The following P2RX4 variants were observed in gnomAD, a reference collection of about 807,000 sequenced individuals.
P2RX4 encodes the protein purinergic receptor P2X 4, also known as P2X purinoceptor 4.
In P2RX4, 37 loss-of-function variants were observed where a neutral mutation model predicts 48.0. The ratio of observed to expected loss-of-function variants is 0.77; its 90% CI spans 0.59 to 1.01. The LOEUF is 1.01. P2RX4 is among the 50% of genes least tolerant of loss of function. The pLI, the probability that P2RX4 is intolerant of heterozygous loss-of-function variation, is 0.00. For missense variants in P2RX4, 501 were observed against 521.4 expected, an observed-to-expected ratio of 0.96 and a Z score of 0.38; for synonymous variants, 200 against 199.7, an observed-to-expected ratio of 1.00 and a Z score of -0.01.
chr12:121,213,792 C>T (rs1886043878), intron 1 of P2RX4: 1 of 152,364 alleles, frequency 6.6e-6, no homozygotes, highest in Middle Eastern at 3.4e-3. Flanking sequence ...AACTCCTGAG[C>T]TCTAGCAATC....
rs767868403 is a variant in P2RX4, at chr12:121,229,126, C to T, written c.884+27C>T. 3.1e-6 allele frequency: 5 copies of T among 1,613,696 alleles called. No homozygotes were observed. The highest frequency in any genetic ancestry group is 1.6e-4 in the Middle Eastern group (1 of 6,082). ...TGGGCGTGAGCTTGGGCCCCTCGCT[C>T]ATGTTGTAGGGGGTGCTGGTGGCTG... On this transcript the variant is annotated intron_variant, in intron 8 of 11. Coordinates refer to ENST00000337233, the MANE Select transcript of P2RX4 (RefSeq NM_002560.3). The surrounding 1 kb of genome is among the most constrained non-coding windows in gnomAD (Gnocchi z 4.6).
rs1566010180 is a variant in P2RX4, at chr12:121,229,068, G to A, written c.853G>A (p.Glu285Lys). Residue 285 changes from glutamate (E) to lysine (K), a missense_variant, in exon 8 of 12, where the codon GAG becomes AAG. Around this residue, in one of 3 missense-constraint regions of P2RX4, gnomAD observed 197 missense variants for 219.5 expected, o/e 0.90. Coordinates refer to ENST00000337233, the MANE Select transcript of P2RX4 (RefSeq NM_002560.3). The surrounding 1 kb of genome is among the most constrained non-coding windows in gnomAD (Gnocchi z 4.6). ...CCGCCGCCTCGATACACGGGACGTT[G>A]AGCACAACGTATCTCCTGGCTACAA... The part of the protein sequence containing the change: ...SFRRLDTRDV[E>K]HNVSPGYNFR... The A allele has an allele frequency of 1.2e-6, 2 of 1,614,130 alleles. No homozygotes were observed. The highest frequency in any genetic ancestry group is 1.7e-6 in the Non-Finnish European group (2 of 1,180,022).
chr12:121,217,312 A>G (rs1566000279), intron 2 of P2RX4, 31 bp downstream of exon 2: 1 of 1,605,558 alleles, frequency 6.2e-7, no homozygotes, highest in Admixed American at 1.7e-5. Flanking sequence ...TCTGTCTAAC[A>G]CTGACACCTT....
Position 121,228,534 on chromosome 12 carries a change from C to A in P2RX4, c.526C>A (p.Pro176Thr), listed in dbSNP as rs767671312. Residue 176 changes from proline (P) to threonine (T), a missense_variant and splice_region_variant, in exon 6 of 12, where the codon CCT becomes ACT. By Grantham distance (38) the Pro-to-Thr change is conservative. This residue lies in a region of P2RX4 where 295 missense variants were observed against 275.3 expected (regional missense o/e 1.07). Transcript: ENST00000337233. ...PVEDDTHVPQ[P>T]AFLKAAENFT... The stretch of plus-strand genomic sequence containing the variant: ...AGTAATGTTATCATTGTTTTTCAGA[C>A]CTGCTTTTTTAAAGGCTGCAGAAAA... 5.6e-6 allele frequency: 9 copies of A among 1,608,562 alleles called. No individual in the cohort carries two copies. The South Asian group carries it at 8.9e-5, about 16-fold the overall frequency.
At position 121,233,599 on chromosome 12, in the gene P2RX4, G is replaced by A. The variant is rs1177242602; in HGVS notation, c.*50G>A. 3 of 1,589,544 alleles carry A rather than the reference G, an allele frequency of 1.9e-6. No individual in the cohort carries two copies. The highest frequency in any genetic ancestry group is 4.5e-5 in the East Asian group (2 of 44,158). The stretch of plus-strand genomic sequence containing the variant: ...CACAGCCCCATCAAAGAACAGAGAG[G>A]AGGAGGAGGGAGAAATGGCCACCAC... On this transcript the variant is annotated 3_prime_UTR_variant, in exon 12 of 12. Coordinates refer to ENST00000337233, the MANE Select transcript of P2RX4 (RefSeq NM_002560.3).
chr12:121,227,804 AG>A (rs375316533), intron 5 of P2RX4, among the ~76,000 whole-genome samples: 179 of 152,112 alleles, frequency 1.2e-3, no homozygotes, highest in African/African-American at 3.8e-3. Context: ...AATATTACAT[AG>A]GGGCTGAACA....
chr12:121,232,722 C>G lies in P2RX4; in HGVS notation c.1044+46C>G. The G allele has an allele frequency of 6.6e-7, 1 of 1,514,626 alleles. No individual in the cohort carries two copies. Among genetic ancestry groups the G allele is most frequent in the East Asian group, 2.2e-5 (1 of 44,454 alleles). The allele number at this position is 1,514,626 out of a possible 1,614,324, so 93.8% of individuals were successfully genotyped here. On this transcript the variant is annotated intron_variant, in intron 10 of 11. Transcript: ENST00000337233. The surrounding 1 kb of genome is among the most constrained non-coding windows in gnomAD (Gnocchi z 4.3). ...CTTCACCCTCACGGTGAGGTGAGAC[C>G]CTGGGCTGGGGTCCTGGTCCTGGCC... is the stretch of plus-strand genomic sequence containing the variant.
At chr12:121,221,828 T>G in intron 2 of P2RX4, 85 bp from the exon 3 acceptor site, 1 of 1,120,152 alleles carries the variant, frequency 8.9e-7, no homozygotes, top group South Asian at 1.2e-5. Flanking sequence ...AGTGTTTGAG[T>G]TGTCCTCTTC....
Position 121,233,607 on chromosome 12 carries a change from G to C in P2RX4, c.*58G>C, listed in dbSNP as rs2136251430. The C allele has an allele frequency of 4.4e-6, 7 of 1,582,582 alleles. No homozygotes were observed. The highest frequency in any genetic ancestry group is 1.7e-4 in the Middle Eastern group (1 of 6,028). On this transcript the variant is annotated 3_prime_UTR_variant, in exon 12 of 12. Coordinates refer to ENST00000337233, the MANE Select transcript of P2RX4 (RefSeq NM_002560.3). ...CATCAAAGAACAGAGAGGAGGAGGA[G>C]GGAGAAATGGCCACCACATCACCCC... is the stretch of plus-strand genomic sequence containing the variant.
intron 4 of P2RX4, 23 bp downstream of exon 4, chr12:121,222,189 G>A (rs1158086694): frequency 6.4e-6 from 10 of 1,564,620 alleles, no homozygotes; most frequent in South Asian, 4.4e-5. Context: ...GGCCTCCTGG[G>A]GAGGGCGGCC....
chr12:121,221,248 C>T (rs1446746743), intron 2 of P2RX4, among the ~76,000 whole-genome samples: 1 of 151,672 alleles, frequency 6.6e-6, no homozygotes, highest in Non-Finnish European at 1.5e-5. Context: ...GAATTCTTGA[C>T]CTCAGGTGAT....
chr12:121,217,762 TAA>T (rs113432941), intron 2 of P2RX4, among the ~76,000 whole-genome samples: 5 of 52,378 alleles, frequency 9.5e-5, no homozygotes, highest in Admixed American at 2.4e-4. Context: ...CCCATCTCTA[TAA>T]AAAAAAAAAA....
chr12:121,223,734 G>A (rs1046388253), intron 5 of P2RX4, among the ~76,000 whole-genome samples: 3 of 152,324 alleles, frequency 2.0e-5, no homozygotes, highest in African/African-American at 7.2e-5. Context: ...GTATTGTCCG[G>A]CTGACCAAAA....
intron 2 of P2RX4, among the ~76,000 whole-genome samples, chr12:121,218,823 C>A (rs111839358): frequency 2.0e-5 from 3 of 152,162 alleles, no homozygotes. Context: ...AGCCCCTTGG[C>A]TCATCTCCAG....
chr12:121,233,894 A>C lies in P2RX4; in HGVS notation c.*345A>C. The C allele has an allele frequency of 2.7e-6, 1 of 375,952 alleles. No homozygotes were observed. The highest frequency in any genetic ancestry group is 5.0e-6 in the Non-Finnish European group (1 of 199,052). The allele number at this position is 375,952 out of a possible 1,614,324, so 23.3% of individuals were successfully genotyped here. On this transcript the variant is annotated 3_prime_UTR_variant, in exon 12 of 12. Transcript: ENST00000337233. Reference sequence around the variant, plus strand: ...TCCTGTCTCCAGCTCTCTCCAGGACAGGCCCAGTCCTCTGAGGCACGGCGG... The same window carrying C: ...TCCTGTCTCCAGCTCTCTCCAGGACCGGCCCAGTCCTCTGAGGCACGGCGG...
intron 2 of P2RX4, among the ~76,000 whole-genome samples, chr12:121,217,836 CAG>C (rs2136221042): frequency 6.7e-6 from 1 of 149,608 alleles, no homozygotes; most frequent in African/African-American, 2.5e-5. Flanking sequence ...AAGAAGGAAA[CAG>C]AGACAGCAGC....
chr12:121,218,775 C>T (rs942540301), intron 2 of P2RX4, among the ~76,000 whole-genome samples: 1 of 152,212 alleles, frequency 6.6e-6, no homozygotes, highest in African/African-American at 2.4e-5. Context: ...TTCACGACGT[C>T]TGTGTTCTTT....
rs1438801522 is a variant in P2RX4, at chr12:121,232,855, GTCC to G, written c.1045-141_1045-139del. ...CCTTCTCCAAGACCACCCCCCTCAG[GTCC>G]CAGCCTTCTCCCAAGAGATGGGAGT... On this transcript the variant is annotated intron_variant, in intron 10 of 11. Coordinates refer to ENST00000337233, the MANE Select transcript of P2RX4 (RefSeq NM_002560.3). The surrounding 1 kb of genome is among the most constrained non-coding windows in gnomAD (Gnocchi z 4.3). The G allele has an allele frequency of 1.2e-5, 10 of 864,728 alleles. No individual in the cohort carries two copies. The highest frequency in any genetic ancestry group is 2.0e-5 in the Non-Finnish European group (10 of 507,992). 53.6% of individuals were successfully genotyped at this position (864,728 alleles called of 1,614,324 possible).
intron 1 of P2RX4, among the ~76,000 whole-genome samples, chr12:121,211,204 A>T (rs985245984): frequency 2.0e-5 from 3 of 151,656 alleles, no homozygotes; most frequent in Non-Finnish European, 4.4e-5. Flanking sequence ...TACTTTTTTA[A>T]TTTTTTTATT....
Sources: gnomAD v4.1 joint callset for allele counts (sites outside exome capture counted in the v4.1 genomes callset) on GRCh38, gnomAD v4.1.1 for gene constraint, gnomAD v4.1.1 regional missense constraint, Gnocchi (gnomAD v3.1) non-coding constraint, MANE v1.5 for transcripts, NCBI Gene and HGNC (gene_info 2026-07-23, HGNC 2026-07-21) for gene names.